The following ASRGL1 variants were observed in gnomAD, a reference collection of about 807,000 sequenced individuals.
The protein encoded by ASRGL1 is asparaginase and isoaspartyl peptidase 1.
Under a neutral mutation model 22.4 loss-of-function variants are expected in ASRGL1, and 16 were observed. The ratio of observed to expected loss-of-function variants is 0.71; its 90% CI spans 0.48 to 1.08. ASRGL1 has a LOEUF of 1.08. Ranked by LOEUF, ASRGL1 falls within the 50% of genes least tolerant of loss-of-function variation. The probability of loss-of-function intolerance (pLI) is 0.00; values close to 1 mark genes in which losing one functional copy is unlikely to be tolerated. For synonymous variants in ASRGL1, 165 were observed against 159.3 expected (o/e 1.04, Z -0.27); for missense variants, 412 against 410.1 (o/e 1.00, Z -0.04).
chr11:62,350,275 C>A (rs1055148517), intron 2 of ASRGL1, among the ~76,000 whole-genome samples: 2 of 152,110 alleles, frequency 1.3e-5, no homozygotes, highest in Admixed American at 1.3e-4. Context: ...TCATTTATTT[C>A]TTTATTGCTG....
intron 2 of ASRGL1, among the ~76,000 whole-genome samples, chr11:62,350,209 T>G (rs1745270999): frequency 6.6e-6 from 1 of 152,242 alleles, no homozygotes; most frequent in Non-Finnish European, 1.5e-5. Context: ...CTTCTGGAAA[T>G]GGCTTTTCTC....
At chr11:62,394,574 A>G (rs1947408290), downstream of ASRGL1, among the ~76,000 whole-genome samples, 2 of 152,074 alleles carry the variant, frequency 1.3e-5, no homozygotes, top group South Asian at 4.1e-4. Flanking sequence ...TGGAGAAGAC[A>G]ACAATCGCTA....
intron 4 of ASRGL1, among the ~76,000 whole-genome samples, chr11:62,387,039 C>T (rs907054871): frequency 4.7e-5 from 7 of 149,642 alleles, no homozygotes; most frequent in Non-Finnish European, 1.0e-4. Flanking sequence ...ATTACAGACA[C>T]ACGCCACCAC....
intron 2 of ASRGL1, among the ~76,000 whole-genome samples, chr11:62,352,145 A>G (rs529714686): frequency 8.0e-4 from 122 of 152,340 alleles, no homozygotes; most frequent in African/African-American, 2.7e-3. Flanking sequence ...ATTAAAATTA[A>G]GTGAGGTCAT....
intron 2 of ASRGL1, among the ~76,000 whole-genome samples, chr11:62,353,536 C>T (rs2134597953): frequency 6.6e-6 from 1 of 151,662 alleles, no homozygotes; most frequent in Admixed American, 6.6e-5. Flanking sequence ...TGGGGTCTTG[C>T]TGTGTTGTCC....
At chr11:62,362,662 A>T (rs1341509488) in intron 4 of ASRGL1, among the ~76,000 whole-genome samples, 9 of 90,054 alleles carry the variant, frequency 1.0e-4, no homozygotes, top group Non-Finnish European at 1.6e-4. Flanking sequence ...TATTATATAA[A>T]ATATATAATA....
intron 4 of ASRGL1, among the ~76,000 whole-genome samples, chr11:62,367,487 A>C (rs564289125): frequency 1.3e-4 from 19 of 151,452 alleles, no homozygotes; most frequent in Non-Finnish European, 4.4e-5. Context: ...TCTACTAAAA[A>C]TACAAAATGA....
downstream of ASRGL1, among the ~76,000 whole-genome samples, chr11:62,397,991 C>T (rs1010133010): frequency 1.4e-4 from 22 of 152,028 alleles, no homozygotes; most frequent in Admixed American, 1.0e-3. Flanking sequence ...CCCTCGGCGT[C>T]GCATCTTCTG....
intron 2 of ASRGL1, among the ~76,000 whole-genome samples, chr11:62,341,264 T>C (rs2134565516): frequency 6.6e-6 from 1 of 151,380 alleles, no homozygotes; most frequent in South Asian, 2.1e-4. Flanking sequence ...AGTGGCACAG[T>C]TTCGGCTCAC....
chr11:62,368,675 TATCTC>T (rs2134647892), intron 4 of ASRGL1, among the ~76,000 whole-genome samples: 1 of 152,196 alleles, frequency 6.6e-6, no homozygotes, highest in African/African-American at 2.4e-5. Flanking sequence ...TATTGATCAT[TATCTC>T]TGCCATCTCG....
chr11:62,397,332 A>C (rs564492032), downstream of ASRGL1, among the ~76,000 whole-genome samples: 197 of 151,952 alleles, frequency 1.3e-3, 2 homozygotes, highest in African/African-American at 4.6e-3. Context: ...CCGGCCAAGA[A>C]TAATGAAAAA....
chr11:62,351,714 C>T (rs2134593596), intron 2 of ASRGL1, among the ~76,000 whole-genome samples: 1 of 152,092 alleles, frequency 6.6e-6, no homozygotes, highest in South Asian at 2.1e-4. Context: ...TACTCTGACA[C>T]CCAGACTGGA....
Position 62,372,702 on chromosome 11 carries a change from G to C in ASRGL1, c.491+15558G>C. The C allele has an allele frequency of 3.8e-6, 5 of 1,325,956 alleles. 1 individual carries two copies. The South Asian group carries it at 5.9e-5, about 16-fold the overall frequency. 82.1% of individuals were successfully genotyped at this position (1,325,956 alleles called of 1,614,324 possible). ...TGGCTATGGCTGGCTGGGCTACACA[G>C]AGCAGAAGGATGAGATGGTCCCCCG... is the stretch of plus-strand genomic sequence containing the variant. On this transcript the variant is annotated intron_variant, in intron 4 of 6. Transcript: ENST00000415229.
intron 2 of ASRGL1, among the ~76,000 whole-genome samples, chr11:62,351,636 G>A (rs952892328): frequency 6.7e-5 from 10 of 149,654 alleles, no homozygotes; most frequent in African/African-American, 2.5e-4. Flanking sequence ...GGCGACAAGG[G>A]TGAAACTCAT....
intron 4 of ASRGL1, among the ~76,000 whole-genome samples, chr11:62,367,093 ACTTGGGAGG>A (rs1473970959): frequency 2.0e-5 from 3 of 151,320 alleles, no homozygotes; most frequent in Non-Finnish European, 2.9e-5. Flanking sequence ...AATCCCAACT[ACTTGGGAGG>A]CTGAGGCGGG....
At chr11:62,372,816 G>C (rs1946809228) in intron 4 of ASRGL1, 1 of 1,597,454 alleles carries the variant, frequency 6.3e-7, no homozygotes, top group African/African-American at 1.3e-5. Flanking sequence ...TGAAGTGGGT[G>C]GTCTGTTTTT....
rs1947361463 is a variant in ASRGL1, at chr11:62,392,352, C to G, written c.*68C>G. 3.2e-6 allele frequency: 5 copies of G among 1,553,660 alleles called. No homozygotes were observed. The highest frequency in any genetic ancestry group is 4.4e-6 in the Non-Finnish European group (5 of 1,129,762). On this transcript the variant is annotated 3_prime_UTR_variant, in exon 7 of 7. Coordinates refer to ENST00000415229, the MANE Select transcript of ASRGL1 (RefSeq NM_001083926.2). ...GTACAGTCTCCTCATGAGACATAGC[C>G]TAATCAATTAGATCTAGAATTGGAA...
At chr11:62,362,641 T>C (rs1319143851) in intron 4 of ASRGL1, among the ~76,000 whole-genome samples, 1 of 32,924 alleles carries the variant, frequency 3.0e-5, no homozygotes, top group Admixed American at 5.2e-4. Context: ...ATATATATAA[T>C]ATATAATATA....
At chr11:62,360,400 A>T (rs954433921) in intron 4 of ASRGL1, among the ~76,000 whole-genome samples, 12 of 150,806 alleles carry the variant, frequency 8.0e-5, no homozygotes, top group African/African-American at 2.9e-4. Context: ...ATTTTTTTAT[A>T]CTTTGGATAT....
Sources: allele counts gnomAD v4.1 joint callset (sites outside exome capture counted in the v4.1 genomes callset), GRCh38; gene constraint gnomAD v4.1.1; transcripts MANE v1.5; gene names NCBI Gene and HGNC (gene_info 2026-07-23, HGNC 2026-07-21).